Variants in PCDH9 observed in about 807,000 individuals in gnomAD.
PCDH9 encodes the protein protocadherin 9.
PCDH9 carries 24 observed loss-of-function variants against 70.6 expected under a neutral mutation model. That is an observed-to-expected ratio of 0.34 (90% CI 0.25 to 0.48). PCDH9 has a LOEUF of 0.48. Among genes scored for constraint, PCDH9 ranks in the 20% least tolerant of loss-of-function variants. The probability of loss-of-function intolerance (pLI) is 0.99; values close to 1 mark genes in which losing one functional copy is unlikely to be tolerated. For missense variants in PCDH9, 1,281 were observed against 1,503.6 expected (o/e 0.85, Z 2.45); for synonymous variants, 562 against 558.5 (o/e 1.01, Z -0.09).
chr13:66,622,097 C>T (rs1327058439), intron 4 of PCDH9, among the ~76,000 whole-genome samples: 2 of 152,238 alleles, frequency 1.3e-5, no homozygotes, highest in Admixed American at 6.5e-5. Context: ...CCCGGGCCAG[C>T]GGCTGCAGAG....
At chr13:66,465,811 TA>T (rs1444737450) in intron 4 of PCDH9, among the ~76,000 whole-genome samples, 1 of 151,948 alleles carries the variant, frequency 6.6e-6, no homozygotes, top group Non-Finnish European at 1.5e-5. Flanking sequence ...GAATATTTTC[TA>T]TATTAGCCAA....
intron 4 of PCDH9, among the ~76,000 whole-genome samples, chr13:66,470,894 G>T (rs1326556936): frequency 6.6e-6 from 1 of 151,050 alleles, no homozygotes; most frequent in Non-Finnish European, 1.5e-5. Context: ...TAGAAGATCT[G>T]ATCAGTAGGT....
rs141560896 is a variant in PCDH9 at position 66,555,347 on chromosome 13, C to T, written c.3340+75863G>A. ...ATTAATGGAACTACTGAGTCATCTA[C>T]GTTAGAAACCTAGATAGCAATTTTA... On this transcript the variant is annotated intron_variant, in intron 4 of 4. Transcript: ENST00000377865. 1.7e-3 allele frequency among the ~76,000 whole-genome samples: 260 copies of T among 150,570 alleles called. 2 individuals carry two copies. The highest frequency in any genetic ancestry group is 3.0e-3 in the Non-Finnish European group (206 of 67,806).
chr13:67,034,113 T>C (rs2084961470), intron 2 of PCDH9, among the ~76,000 whole-genome samples: 1 of 152,126 alleles, frequency 6.6e-6, no homozygotes, highest in East Asian at 1.9e-4. Flanking sequence ...GCCTCCTGAG[T>C]AGCTGGGATT....
chr13:66,923,477 A>T (rs1594265146), intron 2 of PCDH9, among the ~76,000 whole-genome samples: 1 of 151,614 alleles, frequency 6.6e-6, no homozygotes, highest in Non-Finnish European at 1.5e-5. Flanking sequence ...TCTAATTTAT[A>T]TAATTCTGGC....
At chr13:66,448,551 T>C (rs1448315548) in intron 4 of PCDH9, among the ~76,000 whole-genome samples, 1 of 152,180 alleles carries the variant, frequency 6.6e-6, no homozygotes, top group African/African-American at 2.4e-5. Flanking sequence ...AACGGAAATG[T>C]TTGAAATTCC....
chr13:66,498,495 A>G (rs1486461150), intron 4 of PCDH9, among the ~76,000 whole-genome samples: 3 of 152,036 alleles, frequency 2.0e-5, no homozygotes, highest in African/African-American at 4.8e-5. Context: ...AACACAGAGG[A>G]AAACTCCTTG....
chr13:67,083,858 A>G (rs1339714354), intron 2 of PCDH9, among the ~76,000 whole-genome samples: 1 of 152,218 alleles, frequency 6.6e-6, no homozygotes, highest in East Asian at 1.9e-4. Flanking sequence ...AATTCAGTTT[A>G]AAGGATTTTC....
intron 2 of PCDH9, among the ~76,000 whole-genome samples, chr13:66,982,469 A>G (rs2083794213): frequency 6.6e-6 from 1 of 152,218 alleles, no homozygotes; most frequent in African/African-American, 2.4e-5. Context: ...GTATTTGAAT[A>G]TAAGAGCTAC....
intron 4 of PCDH9, among the ~76,000 whole-genome samples, chr13:66,385,095 T>C (rs1956908086): frequency 6.6e-6 from 1 of 152,184 alleles, no homozygotes; most frequent in Admixed American, 6.5e-5. Context: ...ATTTCATATA[T>C]AGGGAGATCA....
chr13:66,697,763 T>C (rs2078583780), intron 3 of PCDH9, among the ~76,000 whole-genome samples: 1 of 152,136 alleles, frequency 6.6e-6, no homozygotes, highest in South Asian at 2.1e-4. Flanking sequence ...ATCCAGCAAT[T>C]CCACCTCTGG....
intron 3 of PCDH9, among the ~76,000 whole-genome samples, chr13:66,874,554 C>T (rs2081762115): frequency 6.6e-6 from 1 of 151,984 alleles, no homozygotes; most frequent in Admixed American, 6.6e-5. Context: ...CACTGTGCCC[C>T]CTAGTAAAAT....
chr13:67,060,161 G>A (rs888244379), intron 2 of PCDH9, among the ~76,000 whole-genome samples: 1 of 152,072 alleles, frequency 6.6e-6, no homozygotes, highest in Non-Finnish European at 1.5e-5. Flanking sequence ...AGAATTTCAT[G>A]AGGTCAGGTA....
At chr13:66,702,487 C>T (rs538285469) in intron 3 of PCDH9, among the ~76,000 whole-genome samples, 14 of 152,208 alleles carry the variant, frequency 9.2e-5, no homozygotes, top group African/African-American at 2.4e-4. Context: ...TTCTAAAGAT[C>T]TAATGTGTAA....
At chr13:66,639,570 A>G (rs964313592) in intron 3 of PCDH9, among the ~76,000 whole-genome samples, 2 of 152,306 alleles carry the variant, frequency 1.3e-5, no homozygotes, top group Middle Eastern at 3.4e-3. Context: ...AGAAAAGTAT[A>G]CCCTATACTC....
chr13:66,521,133 G>A (rs902409326), intron 4 of PCDH9, among the ~76,000 whole-genome samples: 7 of 152,066 alleles, frequency 4.6e-5, no homozygotes, highest in Non-Finnish European at 1.0e-4. Context: ...AAAGATTAAT[G>A]AGCAATCAGT....
chr13:66,572,959 G>A (rs980226244), intron 4 of PCDH9, among the ~76,000 whole-genome samples: 1 of 152,018 alleles, frequency 6.6e-6, no homozygotes. Context: ...GACTCATGAT[G>A]TTGCCCAGGC....
chr13:66,750,066 ATC>A (rs888216770), intron 3 of PCDH9, among the ~76,000 whole-genome samples: 24 of 152,196 alleles, frequency 1.6e-4, no homozygotes, highest in African/African-American at 4.8e-4. Flanking sequence ...GTTTATTTCA[ATC>A]TCTCTCTCAC....
At chr13:66,780,811 T>G (rs1188529999) in intron 3 of PCDH9, among the ~76,000 whole-genome samples, 1 of 152,214 alleles carries the variant, frequency 6.6e-6, no homozygotes, top group Non-Finnish European at 1.5e-5. Context: ...TTATCTCCAG[T>G]GCCTAGAACA....
Sources: gnomAD v4.1 joint callset for allele counts (sites outside exome capture counted in the v4.1 genomes callset) on GRCh38, gnomAD v4.1.1 for gene constraint, MANE v1.5 for transcripts, NCBI Gene and HGNC (gene_info 2026-07-23, HGNC 2026-07-21) for gene names.